PCSK1N: variants seen among roughly 807,000 people sequenced by gnomAD.
PCSK1N encodes proprotein convertase subtilisin/kexin type 1 inhibitor.
A neutral mutation model predicts 10.6 loss-of-function variants in PCSK1N; 8 were observed. The ratio of observed to expected loss-of-function variants is 0.76; its 90% CI spans 0.44 to 1.37. The LOEUF is 1.37. Among genes scored for constraint, PCSK1N ranks in the 40% most tolerant of loss-of-function variants. The pLI is 0.00. For synonymous variants in PCSK1N, 143 were observed against 137.1 expected (o/e 1.04, Z -0.30); for missense variants, 301 against 268.5 (o/e 1.12, Z -0.84).
intron 1 of PCSK1N, among the ~76,000 whole-genome samples, chrX:48,835,113 CT>C (rs2147405750): frequency 8.9e-6 from 1 of 112,871 alleles, no homozygotes; most frequent in South Asian, 3.6e-4. Flanking sequence ...CGCGCGCGCC[CT>C]TTCTTAAAGC....
At position 48,832,186 on chromosome X, in the gene PCSK1N, C is replaced by T; in HGVS notation, c.270G>A (p.Arg90=). The change falls in exon 2 of 3, where the codon CGG becomes CGA. Residue 90 remains arginine, a synonymous_variant. Transcript: ENST00000218230. ...CAGCCTCCTGCGCCTCGGCCCGCGC[C>T]CGCTCCTGACGTTCGGCCTCCAGCA... ...AHLLEAERQE[R]ARAEAQEAED... is the part of the protein sequence containing the mutation. 6.1e-6 allele frequency: 7 copies of T among 1,156,755 alleles called. No individual in the cohort carries two copies. The highest frequency in any genetic ancestry group is 8.0e-6 in the Non-Finnish European group (7 of 874,853).
Position 48,832,021 on chromosome X carries a change from A to C in PCSK1N, c.435T>G (p.Leu145=). 1 of 1,102,305 alleles carries C rather than the reference A, an allele frequency of 9.1e-7. No homozygotes were observed. The highest frequency in any genetic ancestry group is 1.2e-6 in the Non-Finnish European group (1 of 849,105). 90.8% of individuals were successfully genotyped at this position (1,102,305 alleles called of 1,213,427 possible). The change falls in exon 2 of 3, where the codon CTT becomes CTG. Residue 145 remains leucine, a synonymous_variant. Transcript: ENST00000218230. Reference sequence around the variant, plus strand: ...GCTGGGCTGCTAGGGCGGCAGGGTCAAGGCGGGCGCGGAGCAGAGCGCGAG... The same window carrying C: ...GCTGGGCTGCTAGGGCGGCAGGGTCCAGGCGGGCGCGGAGCAGAGCGCGAG... ...QLARALLRAR[L]DPAALAAQLV...
intron 1 of PCSK1N, among the ~76,000 whole-genome samples, chrX:48,832,655 G>A (rs1240542067): frequency 9.4e-6 from 1 of 106,353 alleles, no homozygotes; most frequent in Non-Finnish European, 1.9e-5. Flanking sequence ...GAGTAGTGAT[G>A]GTAGATATGA....
At position 48,832,331 on chromosome X, in the gene PCSK1N, C is replaced by A; in HGVS notation, c.125G>T (p.Gly42Val). ...CAAGGGCGGAGACGCTGCGCTTAGG[C>A]CGCGGGGCTCCTGCGGGAAAATGAG... ...LCARPVKEPR[G>V]LSAASPPLAE... is the part of the protein sequence containing the mutation. Residue 42 changes from glycine to valine, a missense_variant, in exon 2 of 3, where the codon GGC (glycine) becomes GTC (valine). Coordinates refer to ENST00000218230, the MANE Select transcript of PCSK1N (RefSeq NM_013271.5). 1 of 1,116,200 alleles carries A rather than the reference C, an allele frequency of 9.0e-7. No individual in the cohort carries two copies. The allele number at this position is 1,116,200 out of a possible 1,213,427, so 92.0% of individuals were successfully genotyped here. A position where few individuals can be genotyped will look rare whatever the true frequency, so the allele number is the denominator to read the frequency against.
At position 48,831,854 on chromosome X, in the gene PCSK1N, C is replaced by G. The variant is rs782458841; in HGVS notation, c.587+15G>C. On this transcript the variant is annotated intron_variant, in intron 2 of 2. Coordinates refer to ENST00000218230, the MANE Select transcript of PCSK1N (RefSeq NM_013271.5). The stretch of plus-strand genomic sequence containing the variant: ...GACGCAGGCGCCCGACCCCTCCCCA[C>G]CCCCTGCCGGGCACCTCAACAGCTC... The G allele has an allele frequency of 1.9e-6, 2 of 1,036,773 alleles. No homozygotes were observed. The highest frequency in any genetic ancestry group is 4.0e-5 in the East Asian group (1 of 24,921). The allele number at this position is 1,036,773 out of a possible 1,213,427, so 85.4% of individuals were successfully genotyped here. A position where few individuals can be genotyped will look rare whatever the true frequency, so the allele number is the denominator to read the frequency against.
chrX:48,835,569 G>A lies in PCSK1N; in HGVS notation c.-37C>T. On this transcript the variant is annotated 5_prime_UTR_variant, in exon 1 of 3. Transcript: ENST00000218230. ...GAGCCGGGCTCCGGACGGGCGGACT[G>A]GCTGGCAAGTGCGCAGTGCCGGGGC... is the stretch of plus-strand genomic sequence containing the variant. 1 of 670,593 alleles carries A rather than the reference G, an allele frequency of 1.5e-6. No individual in the cohort carries two copies. Among genetic ancestry groups the A allele is most frequent in the Non-Finnish European group, 1.9e-6 (1 of 517,388 alleles). 55.3% of individuals were successfully genotyped at this position (670,593 alleles called of 1,213,427 possible). A position where few individuals can be genotyped will look rare whatever the true frequency, so the allele number is the denominator to read the frequency against.
At chrX:48,833,188 G>A (rs1557033757) in intron 1 of PCSK1N, among the ~76,000 whole-genome samples, 1 of 111,832 alleles carries the variant, frequency 8.9e-6, no homozygotes, top group African/African-American at 3.3e-5. Flanking sequence ...GACCAGCCTG[G>A]TCAAAATGGC....
chrX:48,835,511 A>T lies in PCSK1N; in HGVS notation c.22T>A (p.Trp8Arg). ...CCGACGCCCCCGGCCCGCGGCCCCC[A>T]GAGCAGCGGCGACCCCGCCATGCTG... The part of the protein sequence containing the change: MAGSPLL[W>R]GPRAGGVGLL... Residue 8 changes from tryptophan to arginine, a missense_variant, in exon 1 of 3, where the codon TGG becomes AGG. By Grantham distance (101) the Trp-to-Arg change is moderately radical. Coordinates refer to ENST00000218230, the MANE Select transcript of PCSK1N (RefSeq NM_013271.5). 1.1e-6 allele frequency: 1 copy of T among 928,820 alleles called. No individual in the cohort carries two copies. Among genetic ancestry groups the T allele is most frequent in the African/African-American group, 2.0e-5 (1 of 48,993 alleles). 76.5% of individuals were successfully genotyped at this position (928,820 alleles called of 1,213,427 possible).
rs1011666589 is a variant in PCSK1N, at chrX:48,834,996, G to A, written c.114+423C>T. Among the ~76,000 whole-genome samples the A allele has an allele frequency of 1.7e-4, 19 of 111,266 alleles. No homozygotes were observed. In the Admixed American group the frequency reaches 1.7e-3, roughly 10 times the overall value. Reference sequence around the variant, plus strand: ...CACACTACACACCCAGACGCACCACGGCACCTTTCTAGGACACTTGGAAGC... The same window carrying A: ...CACACTACACACCCAGACGCACCACAGCACCTTTCTAGGACACTTGGAAGC... On this transcript the variant is annotated intron_variant, in intron 1 of 2. Coordinates refer to ENST00000218230, the MANE Select transcript of PCSK1N (RefSeq NM_013271.5).
chrX:48,831,888 C>T lies in PCSK1N; in HGVS notation c.568G>A (p.Val190Met), dbSNP rs2063173813. ...AEEAGDETPD[V>M]DPELLRYLLG... is the part of the protein sequence containing the mutation. Reference sequence around the variant, plus strand: ...GGGCACCTCAACAGCTCGGGGTCCACGTCGGGTGTCTCGTCGCCTGCCTCC... The same window carrying T: ...GGGCACCTCAACAGCTCGGGGTCCATGTCGGGTGTCTCGTCGCCTGCCTCC... Residue 190 changes from valine to methionine, a missense_variant, in exon 2 of 3, where the codon GTG becomes ATG. Coordinates refer to ENST00000218230, the MANE Select transcript of PCSK1N (RefSeq NM_013271.5). 2 of 1,084,431 alleles carry T rather than the reference C, an allele frequency of 1.8e-6. No homozygotes were observed. Among genetic ancestry groups the T allele is most frequent in the East Asian group, 3.9e-5 (1 of 25,591 alleles). The allele number at this position is 1,084,431 out of a possible 1,213,427, so 89.4% of individuals were successfully genotyped here. A position where few individuals can be genotyped will look rare whatever the true frequency, so the allele number is the denominator to read the frequency against.
chrX:48,831,480 G>A, intron 2 of PCSK1N, 25 bp from the exon 3 acceptor site: 1 of 1,031,769 alleles, frequency 9.7e-7, no homozygotes, highest in Non-Finnish European at 1.2e-6. Flanking sequence ...GCAAAGCAGT[G>A]AGGCGGTGTC....
chrX:48,833,976 C>A (rs782124460), intron 1 of PCSK1N, among the ~76,000 whole-genome samples: 1 of 111,697 alleles, frequency 9.0e-6, no homozygotes, highest in Non-Finnish European at 1.9e-5. Flanking sequence ...CCTAGTGACC[C>A]CTAGTGACTA....
In PCSK1N at chrX:48,833,227, C is replaced by A. The variant is rs782564302; in HGVS notation, c.115-886G>T. 4.5e-3 allele frequency among the ~76,000 whole-genome samples: 498 copies of A among 110,225 alleles called. 1 individual carries two copies. The highest frequency in any genetic ancestry group is 0.016 in the African/African-American group (475 of 30,314). ...ACCCTGTCTCTACAAAAAATAAAAC[C>A]AAAAAAAATGAGCGGGGCACAAGCC... is the stretch of plus-strand genomic sequence containing the variant. On this transcript the variant is annotated intron_variant, in intron 1 of 2. Transcript: ENST00000218230.
At chrX:48,832,404 C>G in intron 1 of PCSK1N, 63 bp from the exon 2 acceptor site, 1 of 941,059 alleles carries the variant, frequency 1.1e-6, no homozygotes, top group Non-Finnish European at 1.4e-6. Flanking sequence ...GGACCCCCAG[C>G]CCGGGAAGCT....
At chrX:48,833,234 A>T (rs1182597034) in intron 1 of PCSK1N, among the ~76,000 whole-genome samples, 1 of 111,483 alleles carries the variant, frequency 9.0e-6, no homozygotes, top group African/African-American at 3.3e-5. Flanking sequence ...AACCAAAAAA[A>T]ATGAGCGGGG....
chrX:48,832,376 C>T, intron 1 of PCSK1N, 35 bp from the exon 2 acceptor site: 1 of 1,049,879 alleles, frequency 9.5e-7, no homozygotes, highest in Non-Finnish European at 1.2e-6. Flanking sequence ...AAGAGTTTGT[C>T]AGCGTCCGTC....
Position 48,831,916 on chromosome X carries a change from A to G in PCSK1N, c.540T>C (p.Ala180=). The G allele has an allele frequency of 9.2e-7, 1 of 1,087,933 alleles. No homozygotes were observed. The highest frequency in any genetic ancestry group is 1.2e-6 in the Non-Finnish European group (1 of 842,109). The allele number at this position is 1,087,933 out of a possible 1,213,427, so 89.7% of individuals were successfully genotyped here. A position where few individuals can be genotyped will look rare whatever the true frequency, so the allele number is the denominator to read the frequency against. ...CGGGTGTCTCGTCGCCTGCCTCCTCAGCATCCGGGCCCGCGGGGCCGTCGT... is the reference window on the plus strand; with the variant it reads ...CGGGTGTCTCGTCGCCTGCCTCCTCGGCATCCGGGCCCGCGGGGCCGTCGT... ...VYDDGPAGPD[A]EEAGDETPDV... The change falls in exon 2 of 3, where the codon GCT becomes GCC. Residue 180 remains alanine (A), a synonymous_variant. Coordinates refer to ENST00000218230, the MANE Select transcript of PCSK1N (RefSeq NM_013271.5).
At chrX:48,832,403 G>GGCCA in intron 1 of PCSK1N, 62 bp from the exon 2 acceptor site, 1 of 937,382 alleles carries the variant, frequency 1.1e-6, no homozygotes. Flanking sequence ...GGGACCCCCA[G>GGCCA]CCCGGGAAGC....
chrX:48,831,757 G>A (rs781846910), intron 2 of PCSK1N, 112 bp downstream of exon 2: 2 of 585,200 alleles, frequency 3.4e-6, no homozygotes, highest in East Asian at 4.5e-5. Flanking sequence ...CTCCCTCTTA[G>A]GCCCCAGGAC....
Sources: allele counts gnomAD v4.1 joint callset (sites outside exome capture counted in the v4.1 genomes callset), GRCh38; gene constraint gnomAD v4.1.1; transcripts MANE v1.5; gene names NCBI Gene and HGNC (gene_info 2026-07-23, HGNC 2026-07-21).